The following TSNARE1 variants were observed in gnomAD, a reference collection of about 807,000 sequenced individuals.
The protein encoded by TSNARE1 is t-SNARE domain-containing protein 1.
In TSNARE1, 49 loss-of-function variants were observed where a neutral mutation model predicts 62.0. That is an observed-to-expected ratio of 0.79 (90% CI 0.63 to 1.00). TSNARE1 has a LOEUF of 1.00. Ranked by LOEUF, TSNARE1 falls within the 50% of genes least tolerant of loss-of-function variation. The pLI, the probability that TSNARE1 is intolerant of heterozygous loss-of-function variation, is 0.00. For missense variants in TSNARE1, 755 were observed against 700.1 expected (o/e 1.08, Z -0.88); for synonymous variants, 328 against 294.4 (o/e 1.11, Z -1.17).
intron 1 of TSNARE1, among the ~76,000 whole-genome samples, chr8:142,384,046 T>C (rs1481608165): frequency 6.6e-6 from 1 of 152,170 alleles, no homozygotes; most frequent in Non-Finnish European, 1.5e-5. Flanking sequence ...TCCCTGAGCA[T>C]GGCCACTGAC....
At chr8:142,227,366 C>T (rs28699641) in intron 13 of TSNARE1, among the ~76,000 whole-genome samples, 1,925 of 80,600 alleles carry the variant, frequency 0.024, 15 homozygotes, top group Admixed American at 0.059. Context: ...GCCCCAGTGA[C>T]AGCCAGGACC....
chr8:142,356,787 G>A (rs1834776855), intron 1 of TSNARE1, among the ~76,000 whole-genome samples: 1 of 152,160 alleles, frequency 6.6e-6, no homozygotes, highest in Non-Finnish European at 1.5e-5. Flanking sequence ...GAGAGGTGAG[G>A]TAACTTGCCC....
rs1440257811 is a variant in TSNARE1 at position 142,370,915 on chromosome 8, G to GA, written c.-39-16153dup. Among the ~76,000 whole-genome samples, 3 of 150,302 alleles carry GA rather than the reference G, an allele frequency of 2.0e-5. No homozygotes were observed. In the East Asian group the frequency reaches 5.9e-4, roughly 29 times the overall value. On this transcript the variant is annotated intron_variant, in intron 1 of 13. Transcript: ENST00000524325. ...AAAATATCTTCAAAAATGAAGTAGAGAAAAAAAGCTGCTGACCTAACTACC... is the reference window on the plus strand; with the variant it reads ...AAAATATCTTCAAAAATGAAGTAGAGAAAAAAAAGCTGCTGACCTAACTACC...
chr8:142,283,160 T>TGGGGCCAGTGTCTGTCAATGAGCAGAGGC lies in TSNARE1; in HGVS notation c.1363+1252_1363+1253insGCCTCTGCTCATTGACAGACACTGGCCCC, dbSNP rs1821960640. ...GCCAGTGTCTGTCAATGAGCAGAGGTGGGGCCAGTGTCTGTCAATGAGCGG... is the reference window on the plus strand; with the variant it reads ...GCCAGTGTCTGTCAATGAGCAGAGGTGGGGCCAGTGTCTGTCAATGAGCAGAGGCGGGGCCAGTGTCTGTCAATGAGCGG... On this transcript the variant is annotated intron_variant, in intron 11 of 13. Coordinates refer to ENST00000524325, the MANE Select transcript of TSNARE1 (RefSeq NM_145003.5). 3.3e-5 allele frequency among the ~76,000 whole-genome samples: 4 copies of TGGGGCCAGTGTCTGTCAATGAGCAGAGGC among 122,848 alleles called. 2 individuals are homozygous for TGGGGCCAGTGTCTGTCAATGAGCAGAGGC. The highest frequency in any genetic ancestry group is 5.8e-5 in the African/African-American group (2 of 34,454). 80.6% of individuals were successfully genotyped at this position (122,848 alleles called of 152,430 possible).
intron 13 of TSNARE1, among the ~76,000 whole-genome samples, chr8:142,219,752 G>A (rs992489361): frequency 1.5e-4 from 23 of 152,200 alleles, no homozygotes; most frequent in African/African-American, 5.5e-4. Context: ...TGCCTATGAG[G>A]ATGGCTCTGC....
At chr8:142,222,716 C>T (rs867441368) in intron 13 of TSNARE1, among the ~76,000 whole-genome samples, 24 of 11,862 alleles carry the variant, frequency 2.0e-3, no homozygotes, top group Admixed American at 2.1e-3. Flanking sequence ...ACTCACTCAT[C>T]CACTCACTCA....
At chr8:142,350,999 C>T (rs896654643) in intron 2 of TSNARE1, among the ~76,000 whole-genome samples, 3 of 152,218 alleles carry the variant, frequency 2.0e-5, no homozygotes, top group South Asian at 4.1e-4. Flanking sequence ...GGCAGCCAAA[C>T]GTGCTGTCAC....
chr8:142,347,829 G>A (rs901623159), intron 2 of TSNARE1, among the ~76,000 whole-genome samples: 1 of 139,654 alleles, frequency 7.2e-6, no homozygotes, highest in African/African-American at 2.7e-5. Flanking sequence ...CCCAAGTCCA[G>A]AAGGACACGC....
chr8:142,337,273 T>C (rs1481397414), intron 4 of TSNARE1, among the ~76,000 whole-genome samples: 1 of 152,234 alleles, frequency 6.6e-6, no homozygotes, highest in South Asian at 2.1e-4. Context: ...TCTTAATTAA[T>C]TGGGCATATC....
At chr8:142,217,319 GAAA>G (rs1563750131) in intron 13 of TSNARE1, among the ~76,000 whole-genome samples, 2 of 34,986 alleles carry the variant, frequency 5.7e-5, no homozygotes, top group Non-Finnish European at 1.5e-4. Flanking sequence ...AAGAAAGAAA[GAAA>G]GAAAGAAAGA....
intron 12 of TSNARE1, chr8:142,273,710 C>A: frequency 1.0e-6 from 1 of 985,390 alleles, no homozygotes; most frequent in Non-Finnish European, 1.2e-6. Flanking sequence ...AGTGGGGGTG[C>A]CCGGGCTGGG....
chr8:142,305,927 C>A (rs371851339), intron 9 of TSNARE1, among the ~76,000 whole-genome samples: 1 of 152,208 alleles, frequency 6.6e-6, no homozygotes, highest in African/African-American at 2.4e-5. Flanking sequence ...GAAGAGACTC[C>A]GCTCTGCCAG....
chr8:142,244,682 T>C (rs1030554646), intron 12 of TSNARE1, among the ~76,000 whole-genome samples: 8 of 151,888 alleles, frequency 5.3e-5, no homozygotes, highest in Non-Finnish European at 1.2e-4. Flanking sequence ...ATCCGGGAGG[T>C]GGAGGCCAGC....
intron 12 of TSNARE1, among the ~76,000 whole-genome samples, chr8:142,235,697 A>T (rs1224641127): frequency 1.3e-5 from 2 of 152,066 alleles, no homozygotes; most frequent in East Asian, 3.9e-4. Flanking sequence ...CAGAATTATG[A>T]CTTGGATCTC....
At chr8:142,248,395 A>G (rs1817996006) in intron 12 of TSNARE1, among the ~76,000 whole-genome samples, 1 of 152,236 alleles carries the variant, frequency 6.6e-6, no homozygotes, top group Admixed American at 6.5e-5. Flanking sequence ...GGGATTGAGT[A>G]ACGGGACAAA....
At chr8:142,312,496 CT>C (rs1827757265) in intron 9 of TSNARE1, among the ~76,000 whole-genome samples, 1 of 152,124 alleles carries the variant, frequency 6.6e-6, no homozygotes, top group Admixed American at 6.5e-5. Context: ...TGGTCTACTT[CT>C]GGTTTACCTT....
chr8:142,232,435 C>A (rs1013676809), intron 12 of TSNARE1, among the ~76,000 whole-genome samples: 1 of 152,266 alleles, frequency 6.6e-6, no homozygotes, highest in Non-Finnish European at 1.5e-5. Context: ...CCCTGCGCTA[C>A]GTCTCTACCC....
chr8:142,399,639 C>T (rs1838143905), intron 1 of TSNARE1, among the ~76,000 whole-genome samples: 1 of 152,220 alleles, frequency 6.6e-6, no homozygotes, highest in Non-Finnish European at 1.5e-5. Context: ...CTCACTCCTT[C>T]TTGCCTTTAG....
At chr8:142,282,229 G>A (rs1453311653) in intron 11 of TSNARE1, among the ~76,000 whole-genome samples, 1 of 151,800 alleles carries the variant, frequency 6.6e-6, no homozygotes, top group Admixed American at 6.6e-5. Context: ...CCCCAGCACG[G>A]GTACATCCAT....
Sources: allele counts gnomAD v4.1 joint callset (sites outside exome capture counted in the v4.1 genomes callset), GRCh38; gene constraint gnomAD v4.1.1; transcripts MANE v1.5; gene names NCBI Gene and HGNC (gene_info 2026-07-23, HGNC 2026-07-21).